Variants in PCGF3 observed in about 807,000 individuals in gnomAD.
The protein encoded by PCGF3 is polycomb group ring finger 3.
Under a neutral mutation model 33.1 loss-of-function variants are expected in PCGF3, and 7 were observed. The ratio of observed to expected loss-of-function variants is 0.21; its 90% CI spans 0.12 to 0.40. PCGF3 has a LOEUF of 0.40. Ranked by LOEUF, PCGF3 falls within the 10% of genes least tolerant of loss-of-function variation. The probability of loss-of-function intolerance (pLI) is 1.00; values close to 1 mark genes in which losing one functional copy is unlikely to be tolerated. For missense variants in PCGF3, 211 were observed against 313.3 expected (o/e 0.67, Z 2.46); for synonymous variants, 153 against 121.3 (o/e 1.26, Z -1.72).
intron 6 of PCGF3, among the ~76,000 whole-genome samples, chr4:739,021 C>G (rs552775294): frequency 2.6e-5 from 4 of 152,118 alleles, no homozygotes; most frequent in Non-Finnish European, 5.9e-5. Context: ...AGCCTCACCC[C>G]GTGGCCTTTG....
intron 8 of PCGF3, among the ~76,000 whole-genome samples, chr4:751,088 T>C (rs1406650883): frequency 6.6e-6 from 1 of 152,140 alleles, no homozygotes; most frequent in East Asian, 1.9e-4. Context: ...GATCCGGTTT[T>C]GGTGTCTTCT....
At chr4:735,274 C>A (rs948955077) in intron 5 of PCGF3, among the ~76,000 whole-genome samples, 2 of 152,228 alleles carry the variant, frequency 1.3e-5, no homozygotes, top group Non-Finnish European at 2.9e-5. Context: ...AGGCCGGGCG[C>A]AGGGGCTCAT....
chr4:763,471 A>C (rs1024098524), intron 9 of PCGF3, among the ~76,000 whole-genome samples: 2 of 152,222 alleles, frequency 1.3e-5, no homozygotes, highest in Non-Finnish European at 2.9e-5. Context: ...TGCCTTCCCC[A>C]GGGAGGAATC....
At chr4:749,893 C>G (rs1305682467) in intron 8 of PCGF3, among the ~76,000 whole-genome samples, 2 of 152,242 alleles carry the variant, frequency 1.3e-5, no homozygotes, top group African/African-American at 2.4e-5. Context: ...TCACAGCTCC[C>G]TGTACCCTCT....
chr4:706,580 G>A (rs953932799), intron 1 of PCGF3, among the ~76,000 whole-genome samples: 34 of 85,022 alleles, frequency 4.0e-4, no homozygotes, highest in Non-Finnish European at 1.9e-4. Flanking sequence ...AGGCAGGACC[G>A]CGGGAGGGCA....
intron 6 of PCGF3, 88 bp from the exon 7 acceptor site, chr4:743,386 C>T (rs567173168): frequency 1.1e-5 from 8 of 756,916 alleles, no homozygotes; most frequent in Middle Eastern, 2.3e-4. Context: ...ATGCAAATCC[C>T]TAATTTTCTT....
At chr4:722,694 C>T (rs1414891254) in intron 1 of PCGF3, among the ~76,000 whole-genome samples, 6 of 112,604 alleles carry the variant, frequency 5.3e-5, no homozygotes, top group African/African-American at 1.1e-4. Context: ...CTCGCGTCAT[C>T]ACCTGTCTGC....
At chr4:735,089 G>A in intron 5 of PCGF3, 62 bp downstream of exon 5, 1 of 1,548,502 alleles carries the variant, frequency 6.5e-7, no homozygotes, top group Non-Finnish European at 8.8e-7. Context: ...GTCTCTGTGT[G>A]TGGGCCTTCC....
chr4:722,522 A>G lies in PCGF3; in HGVS notation c.-189-8108A>G, dbSNP rs1743128501. On this transcript the variant is annotated intron_variant, in intron 1 of 10. Coordinates refer to ENST00000362003, the Ensembl canonical transcript of PCGF3. ...GGGGCTGTGTCCGCGCCGGGTCCAC[A>G]CTCAGTCATCGCCCGTCCGCGCCGG... 9.7e-6 allele frequency: 3 copies of G among 309,642 alleles called. 1 individual carries two copies. Among genetic ancestry groups the G allele is most frequent in the African/African-American group, 2.4e-5 (1 of 41,298 alleles). The allele number at this position is 309,642 out of a possible 1,614,324, so 19.2% of individuals were successfully genotyped here. A position where few individuals can be genotyped will look rare whatever the true frequency, so the allele number is the denominator to read the frequency against.
intron 1 of PCGF3, among the ~76,000 whole-genome samples, chr4:713,546 G>T (rs546055297): frequency 8.0e-5 from 12 of 149,948 alleles, no homozygotes; most frequent in Admixed American, 7.3e-4. Context: ...GTGTGGCCTC[G>T]TCAGGGCTGT....
chr4:714,788 G>A (rs1333568196), intron 1 of PCGF3, among the ~76,000 whole-genome samples: 2 of 152,244 alleles, frequency 1.3e-5, no homozygotes, highest in South Asian at 2.1e-4. Context: ...CTTCTCACTA[G>A]GTCACGCAAA....
chr4:708,204 C>T (rs559532309), intron 1 of PCGF3, among the ~76,000 whole-genome samples: 4 of 152,180 alleles, frequency 2.6e-5, no homozygotes, highest in Non-Finnish European at 4.4e-5. Context: ...GGACCTCAAA[C>T]GGGGTCACTT....
chr4:731,355 A>T (rs1240597658), intron 3 of PCGF3: 7 of 399,696 alleles, frequency 1.8e-5, no homozygotes, highest in Non-Finnish European at 2.6e-5. Context: ...TCACTGGTTC[A>T]CTTGGGTTCC....
intron 8 of PCGF3, among the ~76,000 whole-genome samples, chr4:751,875 T>G (rs1744530314): frequency 6.6e-6 from 1 of 152,254 alleles, no homozygotes; most frequent in Non-Finnish European, 1.5e-5. Flanking sequence ...CTCCATCATC[T>G]GACGGGCGCA....
At chr4:731,380 G>C in intron 3 of PCGF3, 2 of 389,166 alleles carry the variant, frequency 5.1e-6, no homozygotes, top group South Asian at 2.6e-4. Flanking sequence ...GTGTCGCTGA[G>C]GAGCAGTGCT....
At chr4:739,823 A>G (rs575873645) in intron 6 of PCGF3, among the ~76,000 whole-genome samples, 1 of 151,762 alleles carries the variant, frequency 6.6e-6, no homozygotes, top group Non-Finnish European at 1.5e-5. Flanking sequence ...TGCCAACTCC[A>G]CTCTACGTTG....
At chr4:755,940 G>T (rs1744751148) in intron 8 of PCGF3, among the ~76,000 whole-genome samples, 1 of 110,610 alleles carries the variant, frequency 9.0e-6, no homozygotes, top group Admixed American at 1.1e-4. Flanking sequence ...TTTGGAGATG[G>T]AGTTTCCCTC....
At chr4:732,229 C>T (rs1241911431) in intron 3 of PCGF3, among the ~76,000 whole-genome samples, 4 of 147,082 alleles carry the variant, frequency 2.7e-5, no homozygotes, top group African/African-American at 7.6e-5. Flanking sequence ...TCCTTAGGGG[C>T]GTAGGGTGGG....
chr4:764,610 C>CG, intron 9 of PCGF3: 1 of 190,980 alleles, frequency 5.2e-6, no homozygotes, highest in South Asian at 9.9e-5. Context: ...GTGATGGGGC[C>CG]TGTCAAGAGA....
Sources: allele counts gnomAD v4.1 joint callset (sites outside exome capture counted in the v4.1 genomes callset), GRCh38; gene constraint gnomAD v4.1.1; transcripts MANE v1.5; gene names NCBI Gene and HGNC (gene_info 2026-07-23, HGNC 2026-07-21).